HMOX2: variants seen among roughly 807,000 people sequenced by gnomAD.
HMOX2 encodes the protein heme oxygenase (decycling) 2.
HMOX2 carries 30 observed loss-of-function variants against 33.7 expected under a neutral mutation model. That is an observed-to-expected ratio of 0.89 (90% CI 0.67 to 1.21). The LOEUF is 1.21. HMOX2 is among the 50% of genes most tolerant of loss of function. HMOX2 has a pLI of 0.00. For synonymous variants in HMOX2, 155 were observed against 155.0 expected (o/e 1.00, Z 0.00); for missense variants, 403 against 399.1 (o/e 1.01, Z -0.08).
At chr16:4,492,603 C>G (rs1448211802) in intron 1 of HMOX2, among the ~76,000 whole-genome samples, 1 of 152,038 alleles carries the variant, frequency 6.6e-6, no homozygotes, top group Non-Finnish European at 1.5e-5. Context: ...CCTGTAATCC[C>G]TACTACTCGG....
intron 1 of HMOX2, among the ~76,000 whole-genome samples, chr16:4,491,131 A>G (rs546229608): frequency 1.3e-5 from 2 of 152,334 alleles, no homozygotes; most frequent in East Asian, 1.9e-4. Flanking sequence ...ATTGGTTGTC[A>G]TGTGATAAAA....
intron 1 of HMOX2, among the ~76,000 whole-genome samples, chr16:4,493,930 T>C (rs1182892418): frequency 1.3e-5 from 2 of 152,216 alleles, no homozygotes; most frequent in Non-Finnish European, 2.9e-5. Flanking sequence ...AATAGTCACA[T>C]ATGCCATTTA....
chr16:4,504,171 G>T (rs1163647642), intron 1 of HMOX2, among the ~76,000 whole-genome samples: 1 of 152,146 alleles, frequency 6.6e-6, no homozygotes, highest in East Asian at 1.9e-4. Context: ...TCCTGAGTAG[G>T]CTAGGGACAG....
At chr16:4,490,938 G>A (rs557013254) in intron 1 of HMOX2, among the ~76,000 whole-genome samples, 3 of 152,282 alleles carry the variant, frequency 2.0e-5, no homozygotes, top group Non-Finnish European at 2.9e-5. Flanking sequence ...GTGTGCGTGC[G>A]TGCAAGCACA....
At chr16:4,475,773 T>C (rs575301110), upstream of HMOX2, among the ~76,000 whole-genome samples, 62 of 151,912 alleles carry the variant, frequency 4.1e-4, no homozygotes, top group African/African-American at 1.4e-3. Context: ...CCCCCGTCTC[T>C]ACTAAAAATA....
upstream of HMOX2, among the ~76,000 whole-genome samples, chr16:4,475,261 C>G (rs1035175267): frequency 4.0e-5 from 6 of 151,568 alleles, no homozygotes; most frequent in Non-Finnish European, 5.9e-5. Context: ...CCCTAACTCA[C>G]TTCTGAAGTT....
At chr16:4,489,198 C>T (rs1444306386) in intron 1 of HMOX2, among the ~76,000 whole-genome samples, 1 of 152,182 alleles carries the variant, frequency 6.6e-6, no homozygotes, top group Non-Finnish European at 1.5e-5. Context: ...TGTAATGCAG[C>T]ATTTTCCCTT....
At chr16:4,484,571 C>T (rs17886618) in intron 1 of HMOX2, among the ~76,000 whole-genome samples, 1,698 of 150,712 alleles carry the variant, frequency 0.011, 35 homozygotes, top group African/African-American at 0.04. Flanking sequence ...AATGATTCTC[C>T]TGCCTCAGCC....
Position 4,507,892 on chromosome 16 carries a change from C to T in HMOX2, c.384C>T (p.Pro128=), listed in dbSNP as rs953938405. ...ACTGGGAGGAGCAGGTGCAGTGCCC[C>T]AAGGCTGCCCAGAAGTACGTGGAGC... ...GENWEEQVQC[P]KAAQKYVERI... is the part of the protein sequence containing the mutation. Residue 128 remains proline (P), a synonymous_variant, in exon 4 of 6, where the codon CCC becomes CCT. Coordinates refer to ENST00000570646, the MANE Select transcript of HMOX2 (RefSeq NM_002134.4). The T allele has an allele frequency of 4.3e-6, 7 of 1,613,900 alleles. No homozygotes were observed. The highest frequency in any genetic ancestry group is 2.7e-5 in the African/African-American group (2 of 74,880).
rs1406009869 is a variant in HMOX2, at chr16:4,509,947, G to A, written c.*191G>A. On this transcript the variant is annotated 3_prime_UTR_variant, in exon 6 of 6. Coordinates refer to ENST00000570646, the MANE Select transcript of HMOX2 (RefSeq NM_002134.4). ...CTCTCTATGGGCCATATTCCGCACTGGGCACAGGCCGTCACCCTGGGAGCA... is the reference window on the plus strand; with the variant it reads ...CTCTCTATGGGCCATATTCCGCACTAGGCACAGGCCGTCACCCTGGGAGCA... 3.1e-6 allele frequency: 2 copies of A among 648,998 alleles called. No individual in the cohort carries two copies. Among genetic ancestry groups the A allele is most frequent in the Non-Finnish European group, 5.2e-6 (2 of 383,088 alleles). The allele number at this position is 648,998 out of a possible 1,614,324, so 40.2% of individuals were successfully genotyped here.
intron 1 of HMOX2, among the ~76,000 whole-genome samples, chr16:4,484,500 AC>A (rs1302590153): frequency 1.6e-5 from 2 of 122,536 alleles, no homozygotes; most frequent in Non-Finnish European, 3.3e-5. Flanking sequence ...TTGCACTGTC[AC>A]CCAGGCTGGA....
At chr16:4,490,203 T>A (rs1376931035) in intron 1 of HMOX2, among the ~76,000 whole-genome samples, 1 of 152,172 alleles carries the variant, frequency 6.6e-6, no homozygotes, top group African/African-American at 2.4e-5. Flanking sequence ...ACTTATGTTG[T>A]TTTTTGGATC....
At chr16:4,485,482 GT>G (rs2058144749) in intron 1 of HMOX2, among the ~76,000 whole-genome samples, 1 of 152,142 alleles carries the variant, frequency 6.6e-6, no homozygotes, top group South Asian at 2.1e-4. Flanking sequence ...ACTTTGTAAG[GT>G]TTATGAGAGT....
chr16:4,491,058 A>G (rs1040012818), intron 1 of HMOX2, among the ~76,000 whole-genome samples: 4 of 152,176 alleles, frequency 2.6e-5, no homozygotes, highest in African/African-American at 7.2e-5. Context: ...AAACATTTCC[A>G]CGTCTCCAAA....
At chr16:4,478,531 A>G (rs1007169848) in intron 1 of HMOX2, among the ~76,000 whole-genome samples, 1 of 152,026 alleles carries the variant, frequency 6.6e-6, no homozygotes, top group Admixed American at 6.6e-5. Context: ...TGGGCGGATC[A>G]CCTGAGGTCG....
chr16:4,482,431 C>T (rs1424402095), intron 1 of HMOX2, among the ~76,000 whole-genome samples: 1 of 152,144 alleles, frequency 6.6e-6, no homozygotes, highest in Non-Finnish European at 1.5e-5. Flanking sequence ...AGTTGTTTCC[C>T]CATACACCAA....
At chr16:4,475,871 G>A (rs1381210009), upstream of HMOX2, 4 of 152,162 alleles carry the variant, frequency 2.6e-5, no homozygotes, top group African/African-American at 7.2e-5. Context: ...CCCGGGAGAA[G>A]GGGGTTGCAG....
chr16:4,487,569 C>T (rs1054360257), intron 1 of HMOX2, among the ~76,000 whole-genome samples: 3 of 151,940 alleles, frequency 2.0e-5, no homozygotes, highest in Non-Finnish European at 2.9e-5. Context: ...GTTGGGAGGC[C>T]GAGGCGGGTG....
At chr16:4,488,588 G>A (rs2058231177) in intron 1 of HMOX2, 1 of 152,128 alleles carries the variant, frequency 6.6e-6, no homozygotes, top group South Asian at 2.1e-4. Context: ...TACAGGATGT[G>A]GGTTTGTTAC....
Sources: gnomAD v4.1 joint callset for allele counts (sites outside exome capture counted in the v4.1 genomes callset) on GRCh38, gnomAD v4.1.1 for gene constraint, MANE v1.5 for transcripts, NCBI Gene and HGNC (gene_info 2026-07-23, HGNC 2026-07-21) for gene names.